The following DSCAML1 variants were observed in gnomAD, a reference collection of about 807,000 sequenced individuals.
DSCAML1 encodes the protein DS cell adhesion molecule like 1.
In DSCAML1, 38 loss-of-function variants were observed where a neutral mutation model predicts 200.5. The ratio of observed to expected loss-of-function variants is 0.19; its 90% CI spans 0.15 to 0.25. The LOEUF (loss-of-function observed/expected upper bound fraction) is 0.25. Ranked by LOEUF, DSCAML1 falls within the 10% of genes least tolerant of loss-of-function variation. The probability of loss-of-function intolerance (pLI) is 1.00; values close to 1 mark genes in which losing one functional copy is unlikely to be tolerated. For synonymous variants in DSCAML1, 1,215 were observed against 1,165.0 expected (o/e 1.04, Z -0.87); for missense variants, 2,223 against 2,858.8 (o/e 0.78, Z 5.07).
intron 3 of DSCAML1, among the ~76,000 whole-genome samples, chr11:117,627,612 G>A (rs2052079548): frequency 6.6e-6 from 1 of 152,160 alleles, no homozygotes; most frequent in Non-Finnish European, 1.5e-5. Flanking sequence ...GCTTGGTTCA[G>A]CTCCTCCGTA....
intron 3 of DSCAML1, among the ~76,000 whole-genome samples, chr11:117,676,163 G>C (rs2137682155): frequency 7.5e-6 from 1 of 134,112 alleles, no homozygotes; most frequent in East Asian, 2.3e-4. Context: ...ATCATTGCTA[G>C]TTTTGATTAC....
chr11:117,646,220 T>C (rs867119059), intron 3 of DSCAML1, among the ~76,000 whole-genome samples: 21 of 151,802 alleles, frequency 1.4e-4, no homozygotes, highest in African/African-American at 4.6e-4. Context: ...TGCAAAAATA[T>C]AGTCTGCAGC....
chr11:117,560,126 A>G (rs567988), intron 3 of DSCAML1, among the ~76,000 whole-genome samples: 87,292 of 151,712 alleles, frequency 0.58, 25,464 homozygotes, highest in South Asian at 0.65. Flanking sequence ...CACTTTGACC[A>G]GGGACACAGT....
At chr11:117,441,673 G>A (rs2048052415) in intron 21 of DSCAML1, among the ~76,000 whole-genome samples, 2 of 152,142 alleles carry the variant, frequency 1.3e-5, no homozygotes. Context: ...TGGGGTGGAG[G>A]GAGAGTGAGA....
At chr11:117,575,695 G>A (rs2050919118) in intron 3 of DSCAML1, among the ~76,000 whole-genome samples, 1 of 152,046 alleles carries the variant, frequency 6.6e-6, no homozygotes, top group African/African-American at 2.4e-5. Flanking sequence ...GCTTGGGCAG[G>A]GTGGTGCACA....
chr11:117,470,743 A>G (rs1001554275), intron 15 of DSCAML1, among the ~76,000 whole-genome samples: 1 of 152,236 alleles, frequency 6.6e-6, no homozygotes, highest in Admixed American at 6.5e-5. Flanking sequence ...GTCCATCTAC[A>G]GTAGAATGGA....
intron 8 of DSCAML1, among the ~76,000 whole-genome samples, chr11:117,506,438 G>A (rs1177112601): frequency 1.3e-5 from 2 of 152,080 alleles, no homozygotes; most frequent in African/African-American, 2.4e-5. Context: ...ATATGACCAT[G>A]GGATTTGAAA....
At chr11:117,592,073 G>A (rs2137486459) in intron 3 of DSCAML1, among the ~76,000 whole-genome samples, 1 of 152,294 alleles carries the variant, frequency 6.6e-6, no homozygotes, top group East Asian at 1.9e-4. Flanking sequence ...GTGAGGAGCA[G>A]GAGAATCCTG....
Position 117,660,469 on chromosome 11 carries a change from G to A in DSCAML1, c.511+116322C>T, listed in dbSNP as rs149802764. Among the ~76,000 whole-genome samples, 26 of 152,250 alleles carry A rather than the reference G, an allele frequency of 1.7e-4. 1 individual carries two copies. The South Asian group carries it at 4.6e-3, about 27-fold the overall frequency. On this transcript the variant is annotated intron_variant, in intron 3 of 32. Transcript: ENST00000651296. ...TCTCTGAGTTCCTTCCCTGCTCTCC[G>A]GTTCTCCATGAGGACTCATTTGGTA...
intron 3 of DSCAML1, among the ~76,000 whole-genome samples, chr11:117,655,134 C>G (rs2052707739): frequency 6.6e-6 from 1 of 152,230 alleles, no homozygotes; most frequent in South Asian, 2.1e-4. Flanking sequence ...ACACGCAGGT[C>G]TGCAGCCCCA....
At chr11:117,515,610 C>CTTTGTTTTTTTTTTTTTT (rs2049746527) in intron 8 of DSCAML1, among the ~76,000 whole-genome samples, 1 of 65,122 alleles carries the variant, frequency 1.5e-5, no homozygotes, top group African/African-American at 8.4e-5. Context: ...AGGGACGAAG[C>CTTTGTTTTTTTTTTTTTT]TTTTTTTTTT....
chr11:117,738,954 C>A (rs2054373182), intron 3 of DSCAML1, among the ~76,000 whole-genome samples: 1 of 152,156 alleles, frequency 6.6e-6, no homozygotes, highest in Admixed American at 6.5e-5. Context: ...AACAGTCCAC[C>A]AGAAGACAGA....
At chr11:117,451,073 G>A (rs544116435) in intron 19 of DSCAML1, among the ~76,000 whole-genome samples, 3 of 152,264 alleles carry the variant, frequency 2.0e-5, no homozygotes, top group Admixed American at 1.3e-4. Context: ...AAAATACCCG[G>A]CACCTGTCAC....
chr11:117,602,965 G>A (rs1013123040), intron 3 of DSCAML1, among the ~76,000 whole-genome samples: 11 of 152,138 alleles, frequency 7.2e-5, no homozygotes, highest in South Asian at 2.1e-4. Flanking sequence ...GTGTGGTGGC[G>A]TGAACCTGTA....
At chr11:117,704,635 C>T (rs1474727283) in intron 3 of DSCAML1, among the ~76,000 whole-genome samples, 1 of 152,150 alleles carries the variant, frequency 6.6e-6, no homozygotes, top group Admixed American at 6.5e-5. Context: ...CCCAGTGACT[C>T]GGTGACTCGG....
At chr11:117,459,996 C>T (rs1311148128) in intron 18 of DSCAML1, among the ~76,000 whole-genome samples, 1 of 152,204 alleles carries the variant, frequency 6.6e-6, no homozygotes. Flanking sequence ...AGTCAGAAAC[C>T]AGGCTGGCCT....
chr11:117,670,885 C>A (rs965477395), intron 3 of DSCAML1, among the ~76,000 whole-genome samples: 2 of 152,084 alleles, frequency 1.3e-5, no homozygotes, highest in South Asian at 2.1e-4. Context: ...TTCCTGGGCA[C>A]GCAATAACTT....
At chr11:117,753,573 T>C (rs2054636166) in intron 3 of DSCAML1, among the ~76,000 whole-genome samples, 1 of 152,198 alleles carries the variant, frequency 6.6e-6, no homozygotes, top group Admixed American at 6.5e-5. Flanking sequence ...TAATAATACC[T>C]CTGTGGCCTT....
At chr11:117,710,678 T>G (rs2053832051) in intron 3 of DSCAML1, among the ~76,000 whole-genome samples, 1 of 152,202 alleles carries the variant, frequency 6.6e-6, no homozygotes, top group Non-Finnish European at 1.5e-5. Flanking sequence ...TCATTAGTGT[T>G]AAATGAAATG....
Sources: allele counts gnomAD v4.1 joint callset (sites outside exome capture counted in the v4.1 genomes callset), GRCh38; gene constraint gnomAD v4.1.1; transcripts MANE v1.5; gene names NCBI Gene and HGNC (gene_info 2026-07-23, HGNC 2026-07-21).